The following SHROOM2 variants were observed in gnomAD, a reference collection of about 807,000 sequenced individuals.
SHROOM2 encodes shroom family member 2, also known as protein Shroom2.
Under a neutral mutation model 75.9 loss-of-function variants are expected in SHROOM2, and 33 were observed. The observed-to-expected ratio is 0.43, with a 90% CI of 0.33 to 0.58. The LOEUF (loss-of-function observed/expected upper bound fraction) is 0.58, where lower values mean the gene tolerates loss of function less well. Ranked by LOEUF, SHROOM2 falls within the 20% of genes least tolerant of loss-of-function variation. SHROOM2 has a pLI of 0.04. For missense variants in SHROOM2, 1,434 were observed against 1,461.2 expected (o/e 0.98, Z 0.30); for synonymous variants, 655 against 663.6 (o/e 0.99, Z 0.20).
intron 1 of SHROOM2, among the ~76,000 whole-genome samples, chrX:9,844,294 T>C (rs1393454863): frequency 9.0e-6 from 1 of 110,717 alleles, no homozygotes; most frequent in Non-Finnish European, 1.9e-5. Flanking sequence ...GGAGGATCTC[T>C]TGAGCCCTGG....
At chrX:9,833,210 G>A (rs1021720091) in intron 1 of SHROOM2, among the ~76,000 whole-genome samples, 7 of 111,478 alleles carry the variant, frequency 6.3e-5, no homozygotes, top group South Asian at 3.8e-4. Flanking sequence ...TCCTCATTCC[G>A]TAACGGGAAT....
chrX:9,836,587 A>T (rs2083946771), intron 1 of SHROOM2, among the ~76,000 whole-genome samples: 1 of 49,362 alleles, frequency 2.0e-5, no homozygotes. Flanking sequence ...GAGATATGTG[A>T]TTTTCTTTCT....
Position 9,829,519 on chromosome X carries a change from G to A in SHROOM2, c.165+42809G>A, listed in dbSNP as rs1197312816. Among the ~76,000 whole-genome samples the A allele has an allele frequency of 3.6e-5, 4 of 112,119 alleles. No individual in the cohort carries two copies. In the East Asian group the frequency reaches 1.1e-3, roughly 31 times the overall value. ...AGTTCCAATGATGCCCAATCATGAT[G>A]GGGGCCGCTGTTGATCCGTACACAC... On this transcript the variant is annotated intron_variant, in intron 1 of 9. Coordinates refer to ENST00000380913, the MANE Select transcript of SHROOM2 (RefSeq NM_001649.4).
chrX:9,916,515 C>T (rs773909880), intron 5 of SHROOM2, among the ~76,000 whole-genome samples: 6 of 112,038 alleles, frequency 5.4e-5, no homozygotes, highest in Non-Finnish European at 9.4e-5. Flanking sequence ...TAGAAAATAT[C>T]ACCACGTTGC....
intron 2 of SHROOM2, 127 bp from the exon 3 acceptor site, chrX:9,890,850 G>C: frequency 1.5e-6 from 1 of 646,505 alleles, no homozygotes. Flanking sequence ...CGGTCCTCAA[G>C]CCCCCTGCAC....
intron 1 of SHROOM2, among the ~76,000 whole-genome samples, chrX:9,810,101 A>G (rs2083784206): frequency 8.9e-6 from 1 of 112,731 alleles, no homozygotes; most frequent in African/African-American, 3.2e-5. Context: ...GGAAATACTC[A>G]TGACAATTGC....
At chrX:9,850,723 C>T (rs1200849900) in intron 1 of SHROOM2, among the ~76,000 whole-genome samples, 1 of 109,900 alleles carries the variant, frequency 9.1e-6, no homozygotes, top group Non-Finnish European at 1.9e-5. Context: ...AGCTGTAGTC[C>T]TAGCTACTCA....
At position 9,944,811 on chromosome X, in the gene SHROOM2, C is replaced by CCTGG; in HGVS notation, c.4483_4486dup (p.Asp1496AlafsTer24). ...ACAAGTTCCGGATGTTCATTGGAGA[C>CCTGG]CTGGACAAAGTGGTGAACCTCCTGC... is the stretch of plus-strand genomic sequence containing the variant. On this transcript the variant is annotated frameshift_variant, in exon 9 of 10. Transcript: ENST00000380913. LOFTEE classifies it high-confidence loss of function. The CCTGG allele has an allele frequency of 8.2e-7, 1 of 1,212,205 alleles. No homozygotes were observed. Among genetic ancestry groups the CCTGG allele is most frequent in the Non-Finnish European group, 1.1e-6 (1 of 895,497 alleles).
intron 1 of SHROOM2, among the ~76,000 whole-genome samples, chrX:9,858,026 A>G (rs2084082337): frequency 9.0e-6 from 1 of 111,448 alleles, no homozygotes; most frequent in Non-Finnish European, 1.9e-5. Flanking sequence ...CCAGGGCTTT[A>G]TGTTTTCCCC....
At chrX:9,897,991 C>T (rs973933523) in intron 4 of SHROOM2, among the ~76,000 whole-genome samples, 199 bp from the exon 5 acceptor site, 12 of 112,521 alleles carry the variant, frequency 1.1e-4, no homozygotes, top group African/African-American at 3.2e-4. Context: ...TTGTGCCACA[C>T]GGTTTTACAG....
rs766772476 is a variant in SHROOM2 at position 9,895,302 on chromosome X, G to A, written c.1394G>A (p.Ser465Asn). The A allele has an allele frequency of 1.5e-5, 18 of 1,174,250 alleles. No homozygotes were observed. Among genetic ancestry groups the A allele is most frequent in the Non-Finnish European group, 1.9e-5 (17 of 877,487 alleles). ...DSPPQVRGLS[S>N]CDQKLGSGWQ... ...CCTCCTCAGGTGAGGGGGCTCAGCA[G>A]CTGTGACCAGAAGCTGGGGAGCGGC... Residue 465 changes from serine (S) to asparagine (N), a missense_variant, in exon 4 of 10, where the codon AGC (serine) becomes AAC (asparagine). Around this residue, in one of 3 missense-constraint regions of SHROOM2, gnomAD observed 1,340 missense variants for 1,338.3 expected, o/e 1.00. Coordinates refer to ENST00000380913, the MANE Select transcript of SHROOM2 (RefSeq NM_001649.4).
intron 7 of SHROOM2, 110 bp downstream of exon 7, chrX:9,937,795 C>T (rs1002329011): frequency 4.7e-5 from 34 of 719,027 alleles, no homozygotes; most frequent in South Asian, 1.2e-4. Context: ...TTGGGGAAGA[C>T]GGGTTTTCAT....
chrX:9,870,070 C>A lies in SHROOM2; in HGVS notation c.166-3582C>A, dbSNP rs372305215. 1.8e-3 allele frequency among the ~76,000 whole-genome samples: 198 copies of A among 111,375 alleles called. 1 individual carries two copies. The highest frequency in any genetic ancestry group is 5.9e-3 in the African/African-American group (181 of 30,698). ...CCCATCTCTACAAAAAAAATAAAAA[C>A]TAAAAATTAGCTGGGTGTGGTGGTG... On this transcript the variant is annotated intron_variant, in intron 1 of 9. Coordinates refer to ENST00000380913, the MANE Select transcript of SHROOM2 (RefSeq NM_001649.4).
At chrX:9,883,198 C>T (rs1384418929) in intron 2 of SHROOM2, among the ~76,000 whole-genome samples, 2 of 112,240 alleles carry the variant, frequency 1.8e-5, no homozygotes, top group Admixed American at 9.4e-5. Context: ...CTCACAAGTG[C>T]GGACTCAGAG....
At chrX:9,837,064 G>A (rs2083950290) in intron 1 of SHROOM2, among the ~76,000 whole-genome samples, 1 of 112,542 alleles carries the variant, frequency 8.9e-6, no homozygotes, top group South Asian at 3.7e-4. Context: ...CCCTTCCGGT[G>A]CCAAGTGCTG....
rs761897109 is a variant in SHROOM2 at position 9,932,634 on chromosome X, G to A, written c.3351G>A (p.Val1117=). 1.2e-5 allele frequency: 15 copies of A among 1,209,507 alleles called. No homozygotes were observed. Among genetic ancestry groups the A allele is most frequent in the Non-Finnish European group, 2.2e-6 (2 of 894,709 alleles). The change falls in exon 6 of 10, where the codon GTG becomes GTA. Residue 1117 remains valine, a synonymous_variant. Coordinates refer to ENST00000380913, the MANE Select transcript of SHROOM2 (RefSeq NM_001649.4). The stretch of plus-strand genomic sequence containing the variant: ...TGTCCCTCTCCCACAGCCCCTCTGT[G>A]TTCAGCAGTGCCCAGCCCCAGGACA... ...ARLSLSHSPS[V]FSSAQPQDTP... is the part of the protein sequence containing the mutation.
chrX:9,807,070 C>G (rs763599836), intron 1 of SHROOM2, among the ~76,000 whole-genome samples: 1 of 111,425 alleles, frequency 9.0e-6, no homozygotes, highest in Non-Finnish European at 1.9e-5. Flanking sequence ...GAAGGCCTGC[C>G]GGGCCCTGGG....
At chrX:9,847,531 A>G (rs1601942592) in intron 1 of SHROOM2, among the ~76,000 whole-genome samples, 1 of 112,209 alleles carries the variant, frequency 8.9e-6, no homozygotes, top group East Asian at 2.8e-4. Context: ...GTTGAACTCT[A>G]ATCAGAGGGA....
chrX:9,830,584 C>CTTTGTTTTTTT (rs2083910313), intron 1 of SHROOM2, among the ~76,000 whole-genome samples: 1 of 33,642 alleles, frequency 3.0e-5, no homozygotes, highest in Non-Finnish European at 4.9e-5. Context: ...CCCCTGGTTT[C>CTTTGTTTTTTT]TTTTTTTTTT....
Sources: gnomAD v4.1 joint callset for allele counts (sites outside exome capture counted in the v4.1 genomes callset) on GRCh38, gnomAD v4.1.1 for gene constraint, gnomAD v4.1.1 regional missense constraint, MANE v1.5 for transcripts, NCBI Gene and HGNC (gene_info 2026-07-23, HGNC 2026-07-21) for gene names.